Variants in TMTC1 observed in about 807,000 individuals in gnomAD.
TMTC1 encodes protein O-mannosyl-transferase TMTC1.
Under a neutral mutation model 104.8 loss-of-function variants are expected in TMTC1, and 73 were observed. The ratio of observed to expected loss-of-function variants is 0.70; its 90% confidence interval spans 0.58 to 0.85. The LOEUF is 0.85. Among genes scored for constraint, TMTC1 ranks in the 40% least tolerant of loss-of-function variants. The pLI, the probability that TMTC1 is intolerant of heterozygous loss-of-function variation, is 0.00. For missense variants in TMTC1, 1,035 were observed against 1,096.1 expected (o/e 0.94, Z 0.79); for synonymous variants, 434 against 428.7 (o/e 1.01, Z -0.15).
chr12:29,575,028 T>G (rs970551693), intron 8 of TMTC1, among the ~76,000 whole-genome samples: 1 of 152,010 alleles, frequency 6.6e-6, no homozygotes, highest in Non-Finnish European at 1.5e-5. Flanking sequence ...TTGAAGATGA[T>G]ACGAGGAGGG....
chr12:29,617,869 C>T (rs1947029068), intron 6 of TMTC1, among the ~76,000 whole-genome samples: 1 of 152,100 alleles, frequency 6.6e-6, no homozygotes, highest in African/African-American at 2.4e-5. Flanking sequence ...AAGGTGATGA[C>T]TATTGTTGTC....
At chr12:29,677,952 T>A (rs1189590469) in intron 5 of TMTC1, among the ~76,000 whole-genome samples, 2 of 152,220 alleles carry the variant, frequency 1.3e-5, no homozygotes, top group Admixed American at 1.3e-4. Context: ...TATGTATATA[T>A]AGGAAAAAAC....
At chr12:29,754,555 T>C (rs552254914) in intron 4 of TMTC1, among the ~76,000 whole-genome samples, 140 of 152,302 alleles carry the variant, frequency 9.2e-4, no homozygotes, top group Non-Finnish European at 1.3e-3. Flanking sequence ...AAAAGGGGTT[T>C]ACAGGTTGTT....
At chr12:29,615,656 G>A (rs1946958207) in intron 6 of TMTC1, among the ~76,000 whole-genome samples, 1 of 152,034 alleles carries the variant, frequency 6.6e-6, no homozygotes, top group Non-Finnish European at 1.5e-5. Context: ...CACAGACACT[G>A]TTGTATCAAA....
chr12:29,569,999 T>G (rs368086084), intron 9 of TMTC1, among the ~76,000 whole-genome samples: 3 of 152,190 alleles, frequency 2.0e-5, no homozygotes, highest in South Asian at 4.1e-4. Context: ...ATTTATACCT[T>G]TGCTCCAAGT....
chr12:29,744,929 T>C (rs1942912775), intron 5 of TMTC1, among the ~76,000 whole-genome samples: 1 of 152,104 alleles, frequency 6.6e-6, no homozygotes, highest in Non-Finnish European at 1.5e-5. Context: ...TACTTAACTT[T>C]TTTTTTTCTT....
chr12:29,627,177 C>T (rs751328766), intron 6 of TMTC1, among the ~76,000 whole-genome samples: 17 of 152,110 alleles, frequency 1.1e-4, no homozygotes, highest in East Asian at 5.8e-4. Context: ...GGCCAACCTA[C>T]GGAATGAGAG....
At chr12:29,640,178 T>C (rs1435047711) in intron 5 of TMTC1, among the ~76,000 whole-genome samples, 1 of 152,180 alleles carries the variant, frequency 6.6e-6, no homozygotes, top group Non-Finnish European at 1.5e-5. Context: ...AAGCTTCTCA[T>C]TGTGTTCTGT....
intron 1 of TMTC1, among the ~76,000 whole-genome samples, chr12:29,776,918 G>C (rs1018494476): frequency 6.6e-6 from 1 of 152,188 alleles, no homozygotes; most frequent in African/African-American, 2.4e-5. Context: ...CCTGTGCAAA[G>C]AACAAGGGCT....
chr12:29,674,157 C>T lies in TMTC1; in HGVS notation c.939-40821G>A, dbSNP rs550252526. On this transcript the variant is annotated intron_variant, in intron 5 of 17. Coordinates refer to ENST00000539277, the MANE Select transcript of TMTC1 (RefSeq NM_001193451.2). ...GCTGGTGTGGTGAAGCAACCACAGG[C>T]CCTGGGGTCACAGAGATCTGGGTTT... Among the ~76,000 whole-genome samples the T allele has an allele frequency of 1.1e-4, 17 of 152,186 alleles. No homozygotes were observed. The South Asian group carries it at 3.5e-3, about 32-fold the overall frequency.
chr12:29,549,262 C>G (rs1322981745), intron 10 of TMTC1, among the ~76,000 whole-genome samples: 1 of 151,578 alleles, frequency 6.6e-6, no homozygotes, highest in East Asian at 1.9e-4. Context: ...AAAAATTGTG[C>G]TAAATGAAAA....
chr12:29,695,425 G>A (rs897784135), intron 5 of TMTC1, among the ~76,000 whole-genome samples: 1 of 152,034 alleles, frequency 6.6e-6, no homozygotes, highest in East Asian at 1.9e-4. Flanking sequence ...TCCTGCCTCA[G>A]ACTCCTGAGT....
At chr12:29,646,244 A>G (rs937492980) in intron 5 of TMTC1, among the ~76,000 whole-genome samples, 1 of 152,192 alleles carries the variant, frequency 6.6e-6, no homozygotes, top group Non-Finnish European at 1.5e-5. Flanking sequence ...CTAAAAATCC[A>G]TATATAATCT....
intron 10 of TMTC1, among the ~76,000 whole-genome samples, chr12:29,538,738 C>T (rs150099632): frequency 1.6e-3 from 241 of 152,240 alleles, no homozygotes; most frequent in African/African-American, 5.6e-3. Flanking sequence ...AAATTATATA[C>T]CAAGAACCCA....
chr12:29,751,608 G>A, intron 5 of TMTC1, 58 bp downstream of exon 5: 1 of 1,581,216 alleles, frequency 6.3e-7, no homozygotes, highest in Non-Finnish European at 8.7e-7. Context: ...ATCCCAGGCT[G>A]CACTAGGTGA....
chr12:29,511,250 T>G (rs751596308), intron 17 of TMTC1, among the ~76,000 whole-genome samples: 55 of 148,786 alleles, frequency 3.7e-4, no homozygotes, highest in Non-Finnish European at 6.0e-4. Flanking sequence ...TGTATTAATA[T>G]ATCAACTCCT....
intron 11 of TMTC1, chr12:29,533,978 A>C (rs773290186): frequency 1.3e-5 from 2 of 152,212 alleles, no homozygotes; most frequent in Non-Finnish European, 2.9e-5. Context: ...TGGGCTGTGC[A>C]TGTGGACGGA....
chr12:29,748,071 C>T lies in TMTC1; in HGVS notation c.938+3595G>A, dbSNP rs184121095. Reference sequence around the variant, plus strand: ...CAAATATATACTCAAAGGTATGACACTGTTTTTTGTTTTTTGTTTTCCAAA... The same window carrying T: ...CAAATATATACTCAAAGGTATGACATTGTTTTTTGTTTTTTGTTTTCCAAA... On this transcript the variant is annotated intron_variant, in intron 5 of 17. Transcript: ENST00000539277. 4.1e-4 allele frequency among the ~76,000 whole-genome samples: 62 copies of T among 152,276 alleles called. 1 individual carries two copies. The highest frequency in any genetic ancestry group is 7.6e-4 in the Non-Finnish European group (52 of 68,016).
chr12:29,572,087 T>C lies in TMTC1; in HGVS notation c.1532+18A>G, dbSNP rs1487274876. The C allele has an allele frequency of 1.9e-6, 3 of 1,597,134 alleles. No individual in the cohort carries two copies. Among genetic ancestry groups the C allele is most frequent in the Non-Finnish European group, 2.6e-6 (3 of 1,164,692 alleles). ...CTTTAAAGCACCAAGGCCAACACCCTCCCTGTGTGGCGCTTACTTGAGAGC... is the reference window on the plus strand; with the variant it reads ...CTTTAAAGCACCAAGGCCAACACCCCCCCTGTGTGGCGCTTACTTGAGAGC... On this transcript the variant is annotated intron_variant, in intron 9 of 17. Coordinates refer to ENST00000539277, the MANE Select transcript of TMTC1 (RefSeq NM_001193451.2).
Sources: gnomAD v4.1 joint callset for allele counts (sites outside exome capture counted in the v4.1 genomes callset) on GRCh38, gnomAD v4.1.1 for gene constraint, MANE v1.5 for transcripts, NCBI Gene and HGNC (gene_info 2026-07-23, HGNC 2026-07-21) for gene names.